BMPR1B: variants seen among roughly 807,000 people sequenced by gnomAD.
The protein encoded by BMPR1B is bone morphogenetic protein receptor type-1B.
Under a neutral mutation model 59.1 loss-of-function variants are expected in BMPR1B, and 12 were observed. The ratio of observed to expected loss-of-function variants is 0.20; its 90% confidence interval spans 0.13 to 0.33. The LOEUF (loss-of-function observed/expected upper bound fraction) is 0.33. BMPR1B is among the 10% of genes least tolerant of loss of function. The pLI, the probability that BMPR1B is intolerant of heterozygous loss-of-function variation, is 1.00. For synonymous variants in BMPR1B, 237 were observed against 207.3 expected (o/e 1.14, Z -1.23); for missense variants, 550 against 610.9 (o/e 0.90, Z 1.05).
At chr4:94,794,652 C>G (rs1032857553) in intron 1 of BMPR1B, among the ~76,000 whole-genome samples, 9 of 151,426 alleles carry the variant, frequency 5.9e-5, no homozygotes, top group African/African-American at 2.2e-4. Context: ...TACCCATGAG[C>G]ATGGAATGTT....
At chr4:94,772,916 TA>T (rs1722237209) in intron 1 of BMPR1B, among the ~76,000 whole-genome samples, 1 of 152,158 alleles carries the variant, frequency 6.6e-6, no homozygotes, top group African/African-American at 2.4e-5. Flanking sequence ...ATAATTGTAT[TA>T]TGAAACCATA....
At chr4:95,089,968 C>T (rs545482371) in intron 3 of BMPR1B, among the ~76,000 whole-genome samples, 1 of 152,196 alleles carries the variant, frequency 6.6e-6, no homozygotes, top group African/African-American at 2.4e-5. Flanking sequence ...AGTAAAACAT[C>T]TTACAGCACA....
intron 1 of BMPR1B, among the ~76,000 whole-genome samples, chr4:94,863,986 T>G (rs1322096976): frequency 6.6e-6 from 1 of 152,248 alleles, no homozygotes; most frequent in Admixed American, 6.5e-5. Flanking sequence ...TAGTATCTGG[T>G]AATGGGGTTA....
chr4:94,839,574 G>T (rs1353189780), intron 1 of BMPR1B, among the ~76,000 whole-genome samples: 1 of 149,550 alleles, frequency 6.7e-6, no homozygotes. Flanking sequence ...CAGAGACTAG[G>T]ATTGCAACCC....
At chr4:95,143,177 G>A (rs966875299) in intron 10 of BMPR1B, among the ~76,000 whole-genome samples, 8 of 152,152 alleles carry the variant, frequency 5.3e-5, no homozygotes, top group African/African-American at 1.2e-4. Flanking sequence ...GTGCACACAC[G>A]CCATACCAGG....
intron 1 of BMPR1B, among the ~76,000 whole-genome samples, chr4:94,807,520 T>C (rs1048597142): frequency 2.6e-5 from 4 of 152,150 alleles, no homozygotes; most frequent in African/African-American, 9.7e-5. Context: ...ATTTTAACTT[T>C]AAGTAGTGAA....
chr4:95,123,279 G>A (rs1488806053), intron 6 of BMPR1B, among the ~76,000 whole-genome samples: 1 of 152,046 alleles, frequency 6.6e-6, no homozygotes, highest in Admixed American at 6.6e-5. Flanking sequence ...TTAAAACAAC[G>A]CACAACCATA....
chr4:94,996,624 A>G (rs1295105543), intron 3 of BMPR1B, among the ~76,000 whole-genome samples: 2 of 152,186 alleles, frequency 1.3e-5, no homozygotes, highest in African/African-American at 2.4e-5. Context: ...GCCAACCTCC[A>G]TTTGCCAGTG....
chr4:94,789,068 G>A (rs1722864537), intron 1 of BMPR1B, among the ~76,000 whole-genome samples: 1 of 152,224 alleles, frequency 6.6e-6, no homozygotes, highest in South Asian at 2.1e-4. Flanking sequence ...GATTGGCTGT[G>A]TCTTAGAAGC....
intron 1 of BMPR1B, among the ~76,000 whole-genome samples, chr4:94,873,532 A>G (rs538326694): frequency 9.9e-5 from 15 of 151,254 alleles, no homozygotes; most frequent in Non-Finnish European, 2.1e-4. Context: ...ACAGCCTCCC[A>G]AGTAGCTGGG....
intron 4 of BMPR1B, among the ~76,000 whole-genome samples, chr4:95,108,230 C>T (rs1731334039): frequency 1.3e-5 from 2 of 152,034 alleles, no homozygotes; most frequent in Non-Finnish European, 2.9e-5. Context: ...AGATCAGTAG[C>T]AAGCAGTTTG....
chr4:95,155,146 G>A lies in BMPR1B; in HGVS notation c.*473G>A, dbSNP rs989946662. On this transcript the variant is annotated 3_prime_UTR_variant, in exon 13 of 13. Transcript: ENST00000515059. Reference sequence around the variant, plus strand: ...TATTGTTGCACTCTGTGAACCAAAAGACAGTCTAAGTTGGAGGACATAGAA... The same window carrying A: ...TATTGTTGCACTCTGTGAACCAAAAAACAGTCTAAGTTGGAGGACATAGAA... 1.1e-5 allele frequency: 2 copies of A among 177,786 alleles called. No homozygotes were observed. The highest frequency in any genetic ancestry group is 1.2e-5 in the Non-Finnish European group (1 of 83,262). The allele number at this position is 177,786 out of a possible 1,614,324, so 11.0% of individuals were successfully genotyped here.
intron 6 of BMPR1B, among the ~76,000 whole-genome samples, chr4:95,119,213 C>T (rs1010594912): frequency 4.6e-5 from 7 of 152,074 alleles, no homozygotes; most frequent in Non-Finnish European, 1.5e-5. Context: ...AAAATTTTTG[C>T]AAAATCTTTC....
intron 3 of BMPR1B, among the ~76,000 whole-genome samples, chr4:95,059,881 G>A (rs1007592484): frequency 2.6e-5 from 4 of 152,180 alleles, no homozygotes; most frequent in African/African-American, 7.2e-5. Flanking sequence ...GATTTGTGCA[G>A]TGTGGCAAAA....
chr4:95,071,648 GTGTGTATATATATATA>G (rs1363185019), intron 3 of BMPR1B, among the ~76,000 whole-genome samples: 1 of 104,776 alleles, frequency 9.5e-6, no homozygotes, highest in African/African-American at 4.0e-5. Flanking sequence ...GTGTGTGTGT[GTGTGTATATATATATA>G]TATATATATA....
chr4:94,925,948 A>G (rs1426936469), intron 2 of BMPR1B, among the ~76,000 whole-genome samples: 1 of 151,796 alleles, frequency 6.6e-6, no homozygotes, highest in Non-Finnish European at 1.5e-5. Flanking sequence ...TGCAAGGCAC[A>G]CATTTCTCCT....
At chr4:94,857,466 A>G (rs1023591495) in intron 1 of BMPR1B, among the ~76,000 whole-genome samples, 2 of 152,248 alleles carry the variant, frequency 1.3e-5, no homozygotes, top group Non-Finnish European at 2.9e-5. Flanking sequence ...AGTGGACTAT[A>G]AGATATTTAG....
intron 1 of BMPR1B, among the ~76,000 whole-genome samples, chr4:94,758,383 G>GGGCAGC (rs1721612832): frequency 6.6e-6 from 1 of 151,326 alleles, no homozygotes; most frequent in African/African-American, 2.4e-5. Flanking sequence ...CGAGGAGTCG[G>GGGCAGC]GGCAGCGGCG....
At chr4:94,908,074 A>AAAAAAAAAAAAG (rs1452740862) in intron 2 of BMPR1B, among the ~76,000 whole-genome samples, 1 of 129,330 alleles carries the variant, frequency 7.7e-6, no homozygotes, top group African/African-American at 3.5e-5. Context: ...AAAAAAAAAA[A>AAAAAAAAAAAAG]AAAAAAAAAA....
Sources: gnomAD v4.1 joint callset for allele counts (sites outside exome capture counted in the v4.1 genomes callset) on GRCh38, gnomAD v4.1.1 for gene constraint, MANE v1.5 for transcripts, NCBI Gene and HGNC (gene_info 2026-07-23, HGNC 2026-07-21) for gene names.